Variants in MPHOSPH9 observed in about 807,000 individuals in gnomAD.
MPHOSPH9 encodes the protein M-phase phosphoprotein 9.
MPHOSPH9 carries 88 observed loss-of-function variants against 145.5 expected under a neutral mutation model. The ratio of observed to expected loss-of-function variants is 0.60; its 90% confidence interval spans 0.51 to 0.72. The LOEUF (loss-of-function observed/expected upper bound fraction) is 0.72. Ranked by LOEUF, MPHOSPH9 falls within the 30% of genes least tolerant of loss-of-function variation. The probability of loss-of-function intolerance (pLI) is 0.00; values close to 1 mark genes in which losing one functional copy is unlikely to be tolerated. For synonymous variants in MPHOSPH9, 435 were observed against 486.2 expected, an observed-to-expected ratio of 0.89 and a Z score of 1.39; for missense variants, 1,238 against 1,386.6, an observed-to-expected ratio of 0.89 and a Z score of 1.70.
intron 11 of MPHOSPH9, among the ~76,000 whole-genome samples, chr12:123,201,684 C>T (rs535017767): frequency 9.9e-5 from 15 of 152,104 alleles, no homozygotes; most frequent in African/African-American, 3.6e-4. Flanking sequence ...TGATCAAGTC[C>T]CGTTTAATGG....
rs751925885 is a variant in MPHOSPH9, at chr12:123,202,157, AT to A, written c.1937+6del. The A allele has an allele frequency of 1.9e-6, 3 of 1,597,436 alleles. No individual in the cohort carries two copies. In the African/African-American group the frequency reaches 4.1e-5, roughly 22 times the overall value. On this transcript the variant is annotated splice_donor_region_variant and intron_variant, in intron 11 of 23. Coordinates refer to ENST00000606320, the MANE Select transcript of MPHOSPH9 (RefSeq NM_022782.4). ...AGAAAACTTCACAGCTAAATTATAA[AT>A]TTTACCTGTCTACAAGAATTTGATT...
intron 16 of MPHOSPH9, 32 bp from the exon 17 acceptor site, chr12:123,166,821 A>AGGTCTGCAC: frequency 6.3e-7 from 1 of 1,599,206 alleles, no homozygotes; most frequent in Non-Finnish European, 8.5e-7. Flanking sequence ...GGCATTATAA[A>AGGTCTGCAC]GGTCTGCACT....
chr12:123,184,645 C>G (rs958958070), intron 13 of MPHOSPH9, among the ~76,000 whole-genome samples: 3 of 151,454 alleles, frequency 2.0e-5, no homozygotes, highest in Non-Finnish European at 2.9e-5. Flanking sequence ...CTACAGGCAT[C>G]CGCTACCACG....
At chr12:123,180,175 G>A (rs999752309) in intron 14 of MPHOSPH9, among the ~76,000 whole-genome samples, 185 bp from the exon 15 acceptor site, 4 of 152,072 alleles carry the variant, frequency 2.6e-5, no homozygotes, top group Admixed American at 1.3e-4. Context: ...GCAAAGCACC[G>A]GCCTACACAA....
chr12:123,192,956 C>T (rs1392051359), intron 13 of MPHOSPH9, among the ~76,000 whole-genome samples: 1 of 150,776 alleles, frequency 6.6e-6, no homozygotes, highest in African/African-American at 2.4e-5. Flanking sequence ...CCTGTACTCC[C>T]AGCTACTCAG....
At chr12:123,161,580 CTGTT>C (rs985344417) in intron 21 of MPHOSPH9, among the ~76,000 whole-genome samples, 197 bp from the exon 22 acceptor site, 16 of 150,792 alleles carry the variant, frequency 1.1e-4, no homozygotes, top group Non-Finnish European at 1.9e-4. Flanking sequence ...GCTTTGCCCT[CTGTT>C]TGACAATCTT....
chr12:123,172,435 C>A (rs1024877953), intron 16 of MPHOSPH9, among the ~76,000 whole-genome samples: 8 of 151,604 alleles, frequency 5.3e-5, no homozygotes. Flanking sequence ...CAGGTTCAAG[C>A]GATTCTCCTG....
Position 123,159,245 on chromosome 12 carries a change from C to T in MPHOSPH9, c.3450+1536G>A, listed in dbSNP as rs1005487395. Among the ~76,000 whole-genome samples the T allele has an allele frequency of 2.6e-5, 4 of 152,110 alleles. No homozygotes were observed. Among genetic ancestry groups the T allele is most frequent in the Non-Finnish European group, 5.9e-5 (4 of 68,020 alleles). ...GTGGCACGATCTCAGCTCAATGCAA[C>T]CTCCACCACCCAGGTTCAAGCGATT... On this transcript the variant is annotated intron_variant, in intron 23 of 23. Coordinates refer to ENST00000606320, the MANE Select transcript of MPHOSPH9 (RefSeq NM_022782.4). The surrounding 1 kb of genome is among the most constrained non-coding windows in gnomAD (Gnocchi z 4.3).
At chr12:123,197,943 G>C (rs1198465511) in intron 12 of MPHOSPH9, among the ~76,000 whole-genome samples, 1 of 151,614 alleles carries the variant, frequency 6.6e-6, no homozygotes, top group African/African-American at 2.4e-5. Context: ...AATTAGCTGG[G>C]CGTGGTGGAG....
chr12:123,153,387 A>G (rs2043809570), downstream of MPHOSPH9: 1 of 152,222 alleles, frequency 6.6e-6, no homozygotes, highest in African/African-American at 2.4e-5. Context: ...TGAAGAGAAC[A>G]TCTTAGACCA....
At chr12:123,220,594 C>T (rs2047156244) in intron 5 of MPHOSPH9, among the ~76,000 whole-genome samples, 1 of 151,720 alleles carries the variant, frequency 6.6e-6, no homozygotes, top group Non-Finnish European at 1.5e-5. Flanking sequence ...AATTGGGTAA[C>T]CCTGTATATA....
chr12:123,176,638 A>C (rs374453825), intron 16 of MPHOSPH9, 50 bp downstream of exon 16: 64 of 1,380,774 alleles, frequency 4.6e-5, no homozygotes, highest in Middle Eastern at 3.6e-4. Context: ...CGTCTTAATA[A>C]AAGCATGCAC....
intron 7 of MPHOSPH9, 50 bp from the exon 8 acceptor site, chr12:123,210,212 A>C: frequency 9.1e-7 from 1 of 1,095,506 alleles, no homozygotes; most frequent in East Asian, 2.7e-5. Context: ...AAAAACAAAA[A>C]TGCTTTCTAG....
At chr12:123,162,065 CA>C in intron 21 of MPHOSPH9, 49 bp downstream of exon 21, 3 of 1,227,102 alleles carry the variant, frequency 2.4e-6, no homozygotes, top group South Asian at 1.6e-5. Flanking sequence ...ACCAGAATCT[CA>C]AAAAATGAAT....
At chr12:123,235,739 C>T (rs1181110371), upstream of MPHOSPH9, among the ~76,000 whole-genome samples, 1 of 151,942 alleles carries the variant, frequency 6.6e-6, no homozygotes, top group African/African-American at 2.4e-5. Flanking sequence ...CTCTTTCCCC[C>T]TTCTCTACTG....
At chr12:123,165,658 G>A (rs2044287541) in intron 17 of MPHOSPH9, 181 bp from the exon 18 acceptor site, 2 of 530,134 alleles carry the variant, frequency 3.8e-6, no homozygotes, top group Non-Finnish European at 6.6e-6. Context: ...TCCAAGATGG[G>A]ATTAATGCCC....
At chr12:123,189,433 C>T (rs2045580690) in intron 13 of MPHOSPH9, among the ~76,000 whole-genome samples, 1 of 152,114 alleles carries the variant, frequency 6.6e-6, no homozygotes. Context: ...CGCTTGCACA[C>T]ATTGGCATAA....
At chr12:123,169,890 G>T (rs541411591) in intron 16 of MPHOSPH9, among the ~76,000 whole-genome samples, 134 of 151,860 alleles carry the variant, frequency 8.8e-4, no homozygotes, top group Non-Finnish European at 1.6e-3. Context: ...TGCCCAGCCC[G>T]ATCTTGCAAA....
chr12:123,185,483 C>T (rs953198061), intron 13 of MPHOSPH9, among the ~76,000 whole-genome samples: 3 of 152,140 alleles, frequency 2.0e-5, no homozygotes, highest in African/African-American at 7.2e-5. Context: ...TTGGCTCATG[C>T]CTGTAATCCC....
Sources: allele counts gnomAD v4.1 joint callset (sites outside exome capture counted in the v4.1 genomes callset), GRCh38; gene constraint gnomAD v4.1.1; non-coding constraint Gnocchi (gnomAD v3.1); transcripts MANE v1.5; gene names NCBI Gene and HGNC (gene_info 2026-07-23, HGNC 2026-07-21).